The following ADGRL3 variants were observed in gnomAD, a reference collection of about 807,000 sequenced individuals.
ADGRL3 encodes adhesion G protein-coupled receptor L3.
In ADGRL3, 62 loss-of-function variants were observed where a neutral mutation model predicts 153.5. The observed-to-expected ratio is 0.40, with a 90% CI of 0.33 to 0.50. ADGRL3 has a LOEUF of 0.50. Ranked by LOEUF, ADGRL3 falls within the 20% of genes least tolerant of loss-of-function variation. The pLI is 0.47. For synonymous variants in ADGRL3, 710 were observed against 672.5 expected (o/e 1.06, Z -0.86); for missense variants, 1,641 against 1,859.4 (o/e 0.88, Z 2.16).
In ADGRL3 at chr4:62,035,773, G is replaced by A. The variant is rs527693024; in HGVS notation, c.3592-1958G>A. On this transcript the variant is annotated intron_variant, in intron 23 of 26. Coordinates refer to ENST00000683033, the MANE Select transcript of ADGRL3 (RefSeq NM_001387552.1). ...GGCATCTTAGAGCTTTTTGATCATAGAGCACCCATGAAATTTAGATTTTTC... is the reference window on the plus strand; with the variant it reads ...GGCATCTTAGAGCTTTTTGATCATAAAGCACCCATGAAATTTAGATTTTTC... 3.3e-5 allele frequency among the ~76,000 whole-genome samples: 5 copies of A among 152,110 alleles called. No homozygotes were observed. The South Asian group carries it at 6.2e-4, about 19-fold the overall frequency.
At chr4:61,472,402 C>T (rs573251845) in intron 2 of ADGRL3, among the ~76,000 whole-genome samples, 2 of 152,216 alleles carry the variant, frequency 1.3e-5, no homozygotes, top group Admixed American at 1.3e-4. Context: ...GCGGCAGTCT[C>T]ATCTGAAGGC....
rs1438231886 is a variant in ADGRL3 at position 62,072,886 on chromosome 4, A to G, written c.*1978A>G. The G allele has an allele frequency of 6.6e-6, 1 of 152,162 alleles. No homozygotes were observed. The allele number at this position is 152,162 out of a possible 1,614,324, so 9.4% of individuals were successfully genotyped here. On this transcript the variant is annotated 3_prime_UTR_variant, in exon 27 of 27. Coordinates refer to ENST00000683033, the MANE Select transcript of ADGRL3 (RefSeq NM_001387552.1). ...CCTCAATTTGCTAAAAGCTGCAAAG[A>G]GAATATTCATTTTATAAAGATATAA...
intron 1 of ADGRL3, among the ~76,000 whole-genome samples, chr4:61,261,573 G>C (rs1505676): frequency 0.65 from 98,869 of 151,912 alleles, 32,337 homozygotes; most frequent in East Asian, 0.7. Flanking sequence ...TGTGTGTGTG[G>C]TGGTGGTAGG....
At chr4:61,922,054 G>A (rs1438610639) in intron 13 of ADGRL3, among the ~76,000 whole-genome samples, 1 of 152,134 alleles carries the variant, frequency 6.6e-6, no homozygotes, top group Non-Finnish European at 1.5e-5. Context: ...TATTGACTTA[G>A]AAAGATAGAT....
intron 4 of ADGRL3, among the ~76,000 whole-genome samples, chr4:61,575,400 C>T (rs1286088879): frequency 6.6e-6 from 1 of 151,840 alleles, no homozygotes; most frequent in Non-Finnish European, 1.5e-5. Flanking sequence ...TTGGGAGAGC[C>T]AGAGACAGGT....
chr4:61,755,087 A>C (rs1415386158), intron 8 of ADGRL3, among the ~76,000 whole-genome samples: 1 of 152,196 alleles, frequency 6.6e-6, no homozygotes, highest in Non-Finnish European at 1.5e-5. Flanking sequence ...ATATGTGTGC[A>C]TGTGTCTTTA....
chr4:61,954,647 T>A (rs993540390), intron 17 of ADGRL3, among the ~76,000 whole-genome samples: 3 of 152,022 alleles, frequency 2.0e-5, no homozygotes, highest in African/African-American at 7.2e-5. Flanking sequence ...CTCTAGCCAC[T>A]GGCCTCCTTG....
chr4:61,688,356 C>T (rs115502338), intron 6 of ADGRL3, among the ~76,000 whole-genome samples: 234 of 152,086 alleles, frequency 1.5e-3, no homozygotes, highest in African/African-American at 5.4e-3. Flanking sequence ...TTAGAAGTTA[C>T]GAGTAAGAGC....
Position 61,318,518 on chromosome 4 carries a change from A to G in ADGRL3, c.-239-64606A>G, listed in dbSNP as rs528493617. On this transcript the variant is annotated intron_variant, in intron 1 of 26. Transcript: ENST00000683033. Reference sequence around the variant, plus strand: ...AGTTTGTGAACCATGAAGTAGTGTAATATCATTATAATTTCCCTGATTTGA... The same window carrying G: ...AGTTTGTGAACCATGAAGTAGTGTAGTATCATTATAATTTCCCTGATTTGA... Among the ~76,000 whole-genome samples the G allele has an allele frequency of 2.6e-5, 4 of 152,216 alleles. No homozygotes were observed. In the South Asian group the frequency reaches 8.3e-4, roughly 32 times the overall value.
At chr4:61,540,289 C>T (rs950632843) in intron 4 of ADGRL3, among the ~76,000 whole-genome samples, 2 of 152,160 alleles carry the variant, frequency 1.3e-5, no homozygotes, top group Non-Finnish European at 2.9e-5. Context: ...TGGCTTATGC[C>T]TGTAATCCCA....
chr4:61,871,014 C>A (rs1477519230), intron 9 of ADGRL3, among the ~76,000 whole-genome samples: 4 of 152,166 alleles, frequency 2.6e-5, no homozygotes, highest in Non-Finnish European at 4.4e-5. Context: ...CACGGTGGCT[C>A]ATGCCTGTAA....
intron 1 of ADGRL3, among the ~76,000 whole-genome samples, chr4:61,269,678 A>G (rs2093048984): frequency 6.6e-6 from 1 of 151,880 alleles, no homozygotes; most frequent in South Asian, 2.1e-4. Context: ...AAGCTGTCAC[A>G]TTCAACAAGC....
At position 61,387,411 on chromosome 4, in the gene ADGRL3, G is replaced by C. The variant is rs182206407; in HGVS notation, c.-174+4222G>C. On this transcript the variant is annotated intron_variant, in intron 2 of 26. Transcript: ENST00000683033. ...AACCGGTCTGACTAAAATTTATTAA[G>C]TGGGAATTTCCTCTTCATAATAAAC... Among the ~76,000 whole-genome samples the C allele has an allele frequency of 1.3e-3, 197 of 152,212 alleles. 4 individuals carry two copies. Among genetic ancestry groups the C allele is most frequent in the Middle Eastern group, 6.8e-3 (2 of 294 alleles).
In ADGRL3 at chr4:62,077,592, C is replaced by G. The variant is rs945655736; in HGVS notation, c.*6684C>G. The G allele has an allele frequency of 6.6e-6, 1 of 151,910 alleles. No homozygotes were observed. Among genetic ancestry groups the G allele is most frequent in the African/African-American group, 2.4e-5 (1 of 41,404 alleles). The allele number at this position is 151,910 out of a possible 1,614,324, so 9.4% of individuals were successfully genotyped here. A position where few individuals can be genotyped will look rare whatever the true frequency, so the allele number is the denominator to read the frequency against. On this transcript the variant is annotated 3_prime_UTR_variant, in exon 27 of 27. Coordinates refer to ENST00000683033, the MANE Select transcript of ADGRL3 (RefSeq NM_001387552.1). ...TAGGTAGAGGTCTTTGGGGTTGGAA[C>G]TCAGGATACAGTGACTAGGACAGAG...
chr4:61,671,469 C>T (rs1267159463), intron 5 of ADGRL3, among the ~76,000 whole-genome samples: 3 of 152,108 alleles, frequency 2.0e-5, no homozygotes, highest in African/African-American at 4.8e-5. Context: ...ATTTATTAAA[C>T]CTGATCAATA....
At chr4:61,243,789 G>A (rs922099310) in intron 1 of ADGRL3, among the ~76,000 whole-genome samples, 5 of 151,934 alleles carry the variant, frequency 3.3e-5, no homozygotes, top group African/African-American at 9.7e-5. Context: ...TATTGTGTTT[G>A]ATTTGTGAAT....
At chr4:61,745,620 G>T (rs949165344) in intron 8 of ADGRL3, among the ~76,000 whole-genome samples, 1 of 152,132 alleles carries the variant, frequency 6.6e-6, no homozygotes, top group African/African-American at 2.4e-5. Context: ...AGCTTCATAA[G>T]TGAAGGAGAA....
intron 4 of ADGRL3, among the ~76,000 whole-genome samples, chr4:61,574,807 T>C (rs2149191140): frequency 6.6e-6 from 1 of 152,018 alleles, no homozygotes; most frequent in African/African-American, 2.4e-5. Context: ...AATCCTGAAA[T>C]GATAATTTTA....
intron 1 of ADGRL3, among the ~76,000 whole-genome samples, chr4:61,355,192 T>C (rs1241506996): frequency 3.3e-5 from 5 of 152,116 alleles, no homozygotes. Flanking sequence ...CTGTTTGCTG[T>C]ATAGAAATGC....
Sources: gnomAD v4.1 joint callset for allele counts (sites outside exome capture counted in the v4.1 genomes callset) on GRCh38, gnomAD v4.1.1 for gene constraint, MANE v1.5 for transcripts, NCBI Gene and HGNC (gene_info 2026-07-23, HGNC 2026-07-21) for gene names.